The following ENTPD1 variants were observed in gnomAD, a reference collection of about 807,000 sequenced individuals.
ENTPD1 encodes the protein ectonucleoside triphosphate diphosphohydrolase 1.
In ENTPD1, 33 loss-of-function variants were observed where a neutral mutation model predicts 57.0. The observed-to-expected ratio is 0.58, with a 90% CI of 0.44 to 0.77. ENTPD1 has a LOEUF of 0.77. Ranked by LOEUF, ENTPD1 falls within the 30% of genes least tolerant of loss-of-function variation. The pLI is 0.00. For missense variants in ENTPD1, 501 were observed against 603.4 expected (o/e 0.83, Z 1.78); for synonymous variants, 202 against 218.8 (o/e 0.92, Z 0.68).
the ENTPD1 span, among the ~76,000 whole-genome samples, chr10:95,697,423 C>T: frequency 6.6e-6 from 1 of 152,150 alleles, no homozygotes; most frequent in South Asian, 2.1e-4. Flanking sequence ...TCCTAGCCCA[C>T]TACTAGGTTT....
At chr10:95,813,517 G>C (rs954978098) in intron 1 of ENTPD1, among the ~76,000 whole-genome samples, 20 of 152,264 alleles carry the variant, frequency 1.3e-4, no homozygotes, top group East Asian at 1.2e-3. Flanking sequence ...CAGGGAGTCG[G>C]TTGATATCAG....
intron 1 of ENTPD1, among the ~76,000 whole-genome samples, chr10:95,787,570 A>G (rs1321940671): frequency 6.6e-6 from 1 of 152,184 alleles, no homozygotes; most frequent in African/African-American, 2.4e-5. Context: ...TATGAATATA[A>G]GATAAACCAC....
intron 7 of ENTPD1, among the ~76,000 whole-genome samples, chr10:95,855,335 C>A (rs1488359296): frequency 2.0e-5 from 3 of 151,940 alleles, no homozygotes; most frequent in African/African-American, 7.3e-5. Context: ...TGTGTCTCTG[C>A]ACACGAGATG....
chr10:95,856,097 T>G (rs984932869), intron 7 of ENTPD1, among the ~76,000 whole-genome samples: 2 of 152,218 alleles, frequency 1.3e-5, no homozygotes, highest in Admixed American at 6.5e-5. Context: ...ATTTGGTCTT[T>G]TCACATAATC....
intron 8 of ENTPD1, among the ~76,000 whole-genome samples, chr10:95,863,762 C>CA (rs2098469387): frequency 6.6e-6 from 1 of 152,164 alleles, no homozygotes; most frequent in South Asian, 2.1e-4. Flanking sequence ...GGAGATACTA[C>CA]ATATAAAACA....
chr10:95,845,969 A>G, intron 6 of ENTPD1: 1 of 221,326 alleles, frequency 4.5e-6, no homozygotes, highest in African/African-American at 2.3e-5. Context: ...CAAACTACAA[A>G]AAAACAGAGT....
intron 1 of ENTPD1, among the ~76,000 whole-genome samples, chr10:95,802,924 C>T (rs1041226538): frequency 3.3e-5 from 5 of 152,014 alleles, no homozygotes; most frequent in African/African-American, 9.7e-5. Flanking sequence ...CGTATGCATA[C>T]GTCTTTATAG....
upstream of ENTPD1, among the ~76,000 whole-genome samples, chr10:95,707,572 A>G (rs1448833508): frequency 6.6e-6 from 1 of 152,144 alleles, no homozygotes; most frequent in Admixed American, 6.5e-5. Flanking sequence ...GGCTAGGGTT[A>G]CATGGGCAGG....
chr10:95,865,931 C>A lies in ENTPD1; in HGVS notation c.1327-246C>A, dbSNP rs540926446. Among the ~76,000 whole-genome samples the A allele has an allele frequency of 3.9e-5, 6 of 152,144 alleles. No homozygotes were observed. The East Asian group carries it at 1.2e-3, about 29-fold the overall frequency. ...TACAGACATGTTCCACCGTGCCCAG[C>A]TAATTTTATTTTTTAGAGAGACAGG... is the stretch of plus-strand genomic sequence containing the variant. On this transcript the variant is annotated intron_variant, in intron 9 of 9. Coordinates refer to ENST00000371205, the MANE Select transcript of ENTPD1 (RefSeq NM_001776.6).
intron 8 of ENTPD1, 44 bp downstream of exon 8, chr10:95,860,626 T>C (rs2098463785): frequency 1.3e-6 from 2 of 1,536,988 alleles, no homozygotes; most frequent in Admixed American, 3.4e-5. Context: ...GAGTGCCCTG[T>C]GTCGTTGCTG....
intron 1 of ENTPD1, among the ~76,000 whole-genome samples, chr10:95,775,261 G>A (rs923987442): frequency 6.6e-6 from 1 of 152,108 alleles, no homozygotes; most frequent in Non-Finnish European, 1.5e-5. Context: ...TATACAATCA[G>A]GTCATCTGCA....
the ENTPD1 span, among the ~76,000 whole-genome samples, chr10:95,698,237 C>T: frequency 6.6e-6 from 1 of 152,274 alleles, no homozygotes; most frequent in South Asian, 2.1e-4. Flanking sequence ...GAGGGCCAAA[C>T]TTGAGATTAA....
chr10:95,769,040 C>G (rs2098103431), intron 1 of ENTPD1, among the ~76,000 whole-genome samples: 1 of 152,196 alleles, frequency 6.6e-6, no homozygotes, highest in African/African-American at 2.4e-5. Context: ...TGCTAGATCC[C>G]CATCTAAGTA....
chr10:95,724,161 CAAAAAAAA>C (rs35316347), intron 1 of ENTPD1, among the ~76,000 whole-genome samples: 8 of 50,350 alleles, frequency 1.6e-4, no homozygotes, highest in Middle Eastern at 0.016. Context: ...GACTCTGTCT[CAAAAAAAA>C]AAAAAAAAAA....
At chr10:95,727,135 A>C (rs2097984541) in intron 1 of ENTPD1, among the ~76,000 whole-genome samples, 1 of 152,178 alleles carries the variant, frequency 6.6e-6, no homozygotes, top group Non-Finnish European at 1.5e-5. Context: ...TGGACAAAAC[A>C]TGGAGCTCTA....
Position 95,860,248 on chromosome 10 carries a change from A to G in ENTPD1, c.1075-221A>G, listed in dbSNP as rs574564794. 5.9e-5 allele frequency among the ~76,000 whole-genome samples: 9 copies of G among 152,198 alleles called. No homozygotes were observed. In the East Asian group the frequency reaches 9.7e-4, roughly 16 times the overall value. ...TCTCCCTGACTCTTCTATTACAATT[A>G]TGGAGAAAAGTAACTGCCAGGTGGC... On this transcript the variant is annotated intron_variant, in intron 7 of 9. Coordinates refer to ENST00000371205, the MANE Select transcript of ENTPD1 (RefSeq NM_001776.6).
chr10:95,751,010 G>A (rs1422850817), upstream of ENTPD1, among the ~76,000 whole-genome samples: 11 of 152,098 alleles, frequency 7.2e-5, no homozygotes, highest in Admixed American at 2.0e-4. Context: ...GTGACAGAGC[G>A]AGACTCCATC....
At chr10:95,820,136 C>T (rs2098344026) in intron 1 of ENTPD1, among the ~76,000 whole-genome samples, 1 of 152,204 alleles carries the variant, frequency 6.6e-6, no homozygotes, top group East Asian at 1.9e-4. Flanking sequence ...TCTGAGATGA[C>T]TCTCCTGCTT....
In ENTPD1 at chr10:95,866,667, TA is replaced by T; in HGVS notation, c.*286del. 1 of 1,259,108 alleles carries T rather than the reference TA, an allele frequency of 7.9e-7. No homozygotes were observed. The highest frequency in any genetic ancestry group is 1.6e-5 in the South Asian group (1 of 62,362). The allele number at this position is 1,259,108 out of a possible 1,614,324, so 78.0% of individuals were successfully genotyped here. A position where few individuals can be genotyped will look rare whatever the true frequency, so the allele number is the denominator to read the frequency against. On this transcript the variant is annotated 3_prime_UTR_variant, in exon 10 of 10. Transcript: ENST00000371205. ...GGTTTTAAAGACCTGACACCTTTCA[TA>T]ATCTTTGCTTTATAAAAGAACAATA...
Sources: allele counts gnomAD v4.1 joint callset (sites outside exome capture counted in the v4.1 genomes callset), GRCh38; gene constraint gnomAD v4.1.1; transcripts MANE v1.5; gene names NCBI Gene and HGNC (gene_info 2026-07-23, HGNC 2026-07-21).